DYM: variants seen among roughly 807,000 people sequenced by gnomAD.
The protein encoded by DYM is dyggve-Melchior-Clausen syndrome protein.
In DYM, 78 loss-of-function variants were observed where a neutral mutation model predicts 93.1. That is an observed-to-expected ratio of 0.84 (90% CI 0.70 to 1.01). The LOEUF (loss-of-function observed/expected upper bound fraction) is 1.01. DYM is among the 50% of genes least tolerant of loss of function. The pLI, the probability that DYM is intolerant of heterozygous loss-of-function variation, is 0.00. For synonymous variants in DYM, 321 were observed against 319.7 expected (o/e 1.00, Z -0.04); for missense variants, 789 against 845.0 (o/e 0.93, Z 0.82).
chr18:49,437,595 A>G (rs2080972135), intron 1 of DYM, among the ~76,000 whole-genome samples: 4 of 152,230 alleles, frequency 2.6e-5, no homozygotes, highest in African/African-American at 9.6e-5. Context: ...AGAGAAATAG[A>G]ATTGCTGGGT....
At chr18:49,357,649 G>C (rs568397802) in intron 6 of DYM, among the ~76,000 whole-genome samples, 12 of 152,174 alleles carry the variant, frequency 7.9e-5, no homozygotes, top group Non-Finnish European at 1.8e-4. Context: ...ACAGTGAACA[G>C]GTTAGACCCT....
chr18:49,111,624 T>C (rs991007861), intron 16 of DYM, among the ~76,000 whole-genome samples: 1 of 152,192 alleles, frequency 6.6e-6, no homozygotes, highest in Non-Finnish European at 1.5e-5. Flanking sequence ...TAATGATGCC[T>C]TGTGCTTTGC....
intron 8 of DYM, among the ~76,000 whole-genome samples, chr18:49,309,710 T>TAG (rs1568220427): frequency 6.6e-6 from 1 of 152,210 alleles, no homozygotes; most frequent in East Asian, 1.9e-4. Context: ...AATCAATACA[T>TAG]AGTATATCTG....
At chr18:49,424,056 C>T (rs1398766786) in intron 2 of DYM, among the ~76,000 whole-genome samples, 1 of 152,096 alleles carries the variant, frequency 6.6e-6, no homozygotes, top group East Asian at 1.9e-4. Flanking sequence ...ATGAGGCCAG[C>T]TTCATCCTGA....
chr18:49,153,924 C>G (rs61629245), intron 15 of DYM, among the ~76,000 whole-genome samples: 2,166 of 152,192 alleles, frequency 0.014, 113 homozygotes, highest in East Asian at 0.11. Flanking sequence ...AGAAAAATAA[C>G]AAATTTACAG....
At chr18:49,371,241 T>A (rs1319911328) in intron 5 of DYM, among the ~76,000 whole-genome samples, 1 of 152,210 alleles carries the variant, frequency 6.6e-6, no homozygotes, top group East Asian at 1.9e-4. Context: ...GGCTCATGCC[T>A]ATAATCCCAG....
intron 2 of DYM, among the ~76,000 whole-genome samples, chr18:49,416,626 C>T (rs995444494): frequency 2.6e-5 from 4 of 152,200 alleles, no homozygotes; most frequent in Non-Finnish European, 4.4e-5. Context: ...AGATGTAGGA[C>T]TTTCCATTTC....
chr18:49,317,373 A>C (rs2062009722), intron 8 of DYM, among the ~76,000 whole-genome samples: 1 of 152,168 alleles, frequency 6.6e-6, no homozygotes, highest in Non-Finnish European at 1.5e-5. Context: ...TCAAATTCTC[A>C]GAGAAGAGGA....
At chr18:49,118,318 A>G (rs1197253833) in intron 16 of DYM, among the ~76,000 whole-genome samples, 1 of 152,154 alleles carries the variant, frequency 6.6e-6, no homozygotes, top group Non-Finnish European at 1.5e-5. Flanking sequence ...AAAATTTGAG[A>G]TAAGACTTAT....
chr18:49,424,980 G>A (rs551209150), intron 2 of DYM, among the ~76,000 whole-genome samples: 4 of 151,950 alleles, frequency 2.6e-5, no homozygotes, highest in Non-Finnish European at 2.9e-5. Flanking sequence ...AAGGTAATTT[G>A]TAGATTCAAT....
chr18:49,389,300 A>ATGTGTGTGTGTGTCTGTG (rs2147857158), intron 3 of DYM, among the ~76,000 whole-genome samples: 1 of 151,916 alleles, frequency 6.6e-6, no homozygotes, highest in African/African-American at 2.4e-5. Flanking sequence ...ACAGATTAAA[A>ATGTGTGTGTGTGTCTGTG]TGTGTGTGTG....
chr18:49,224,857 A>G (rs1422624457), intron 13 of DYM, among the ~76,000 whole-genome samples: 3 of 152,154 alleles, frequency 2.0e-5, no homozygotes, highest in African/African-American at 2.4e-5. Flanking sequence ...AAAGTATCAC[A>G]AGATCACTTC....
chr18:49,429,839 A>G lies in DYM; in HGVS notation c.140+416T>C, dbSNP rs144240189. Among the ~76,000 whole-genome samples, 825 of 152,356 alleles carry G rather than the reference A, an allele frequency of 5.4e-3. 2 individuals are homozygous for G. The highest frequency in any genetic ancestry group is 8.8e-3 in the Non-Finnish European group (602 of 68,028). On this transcript the variant is annotated intron_variant, in intron 2 of 17. Transcript: ENST00000675505. ...TAAATATATTCTACAGATACTCCAC[A>G]GCCATTAAAAAGAATAAGGAAGTTG...
intron 11 of DYM, among the ~76,000 whole-genome samples, chr18:49,270,727 A>T (rs1382161175): frequency 6.6e-6 from 1 of 152,206 alleles, no homozygotes; most frequent in East Asian, 1.9e-4. Context: ...TGTATGTTTT[A>T]TACTCCTTCC....
intron 8 of DYM, among the ~76,000 whole-genome samples, chr18:49,327,520 C>A (rs1205122807): frequency 6.6e-6 from 1 of 151,946 alleles, no homozygotes; most frequent in African/African-American, 2.4e-5. Context: ...CCACGTCCAG[C>A]TAATTTTTGT....
At chr18:49,145,320 C>T (rs1349227540) in intron 15 of DYM, among the ~76,000 whole-genome samples, 3 of 151,496 alleles carry the variant, frequency 2.0e-5, no homozygotes, top group African/African-American at 7.3e-5. Flanking sequence ...GTATAGCCTA[C>T]TAGGAATAGT....
At chr18:49,401,158 A>G (rs570585038) in intron 2 of DYM, among the ~76,000 whole-genome samples, 20 of 152,268 alleles carry the variant, frequency 1.3e-4, no homozygotes, top group Non-Finnish European at 2.9e-4. Context: ...TAAATTCCAT[A>G]CCTCCAGGTC....
intron 14 of DYM, among the ~76,000 whole-genome samples, chr18:49,201,306 T>C (rs2091970730): frequency 6.6e-6 from 1 of 152,344 alleles, no homozygotes; most frequent in African/African-American, 2.4e-5. Context: ...CTCAATATCA[T>C]ACTTCAATTC....
At chr18:49,443,211 A>G (rs958134508) in intron 1 of DYM, among the ~76,000 whole-genome samples, 7 of 152,208 alleles carry the variant, frequency 4.6e-5, no homozygotes, top group Non-Finnish European at 7.3e-5. Flanking sequence ...TGTGTAAATT[A>G]TATGAAAAGA....
Sources: allele counts gnomAD v4.1 joint callset (sites outside exome capture counted in the v4.1 genomes callset), GRCh38; gene constraint gnomAD v4.1.1; transcripts MANE v1.5; gene names NCBI Gene and HGNC (gene_info 2026-07-23, HGNC 2026-07-21).